SEC31B: variants seen among roughly 807,000 people sequenced by gnomAD.
SEC31B encodes the protein SEC31 homolog B, COPII component, also known as protein transport protein Sec31B.
A neutral mutation model predicts 135.0 loss-of-function variants in SEC31B; 113 were observed. The observed-to-expected ratio is 0.84, with a 90% CI of 0.72 to 0.98. The LOEUF is 0.98. Among genes scored for constraint, SEC31B ranks in the 50% least tolerant of loss-of-function variants. SEC31B has a pLI of 0.00. For missense variants in SEC31B, 1,296 were observed against 1,421.1 expected (o/e 0.91, Z 1.42); for synonymous variants, 508 against 549.4 (o/e 0.92, Z 1.05).
intron 3 of SEC31B, among the ~76,000 whole-genome samples, chr10:100,512,519 C>T (rs559260234): frequency 1.3e-5 from 2 of 152,344 alleles, no homozygotes; most frequent in East Asian, 3.9e-4. Flanking sequence ...TAGCTTGAGG[C>T]TGTCCCTTAT....
Position 100,490,117 on chromosome 10 carries a change from G to A in SEC31B, c.2856C>T (p.Ser952=), listed in dbSNP as rs1186496766. 6.3e-7 allele frequency: 1 copy of A among 1,589,116 alleles called. No individual in the cohort carries two copies. Among genetic ancestry groups the A allele is most frequent in the South Asian group, 1.2e-5 (1 of 85,924 alleles). ...LRPLGPGRMV[S]HTPAPPASFP... is the part of the protein sequence containing the mutation. ...AGCTTGCAGGAGGGGCTGGGGTGTG[G>A]GAGACCATGCGGCCGGGACCTAGTG... is the stretch of plus-strand genomic sequence containing the variant. The change falls in exon 21 of 26, where the codon TCC becomes TCT. Residue 952 remains serine, a synonymous_variant. Coordinates refer to ENST00000370345, the MANE Select transcript of SEC31B (RefSeq NM_015490.4).
chr10:100,490,098 C>CA lies in SEC31B; in HGVS notation c.2874dup (p.Ala959CysfsTer18). 6.3e-7 allele frequency: 1 copy of CA among 1,578,830 alleles called. No individual in the cohort carries two copies. Among genetic ancestry groups the CA allele is most frequent in the Non-Finnish European group, 8.6e-7 (1 of 1,165,262 alleles). ...GGAAGGTATGGCACAGGGAAGCTTG[C>CA]AGGAGGGGCTGGGGTGTGGGAGACC... On this transcript the variant is annotated frameshift_variant, in exon 21 of 26. Coordinates refer to ENST00000370345, the MANE Select transcript of SEC31B (RefSeq NM_015490.4). LOFTEE classifies it high-confidence loss of function.
At chr10:100,506,711 T>C (rs1851639435) in intron 7 of SEC31B, among the ~76,000 whole-genome samples, 1 of 152,162 alleles carries the variant, frequency 6.6e-6, no homozygotes, top group Admixed American at 6.5e-5. Flanking sequence ...TTTCACTGAT[T>C]AGACAGTAGA....
chr10:100,493,046 T>G (rs892429594), intron 19 of SEC31B, among the ~76,000 whole-genome samples: 5 of 152,098 alleles, frequency 3.3e-5, no homozygotes, highest in Non-Finnish European at 7.4e-5. Context: ...TTGGAAACTA[T>G]CCGAATGTCC....
intron 23 of SEC31B, 107 bp downstream of exon 23, chr10:100,489,145 A>G (rs1478315329): frequency 2.1e-6 from 3 of 1,447,824 alleles, no homozygotes; most frequent in Non-Finnish European, 2.8e-6. Context: ...ACCTGCCCCC[A>G]GTCTCCCTCA....
chr10:100,493,338 A>C (rs1344940632), intron 19 of SEC31B, among the ~76,000 whole-genome samples: 1 of 151,086 alleles, frequency 6.6e-6, no homozygotes, highest in African/African-American at 2.4e-5. Flanking sequence ...GCGCCACTGC[A>C]CTCCAGCCTG....
At chr10:100,488,370 A>G (rs912893982) in intron 24 of SEC31B, among the ~76,000 whole-genome samples, 1 of 151,320 alleles carries the variant, frequency 6.6e-6, no homozygotes, top group Non-Finnish European at 1.5e-5. Context: ...GAGGCGGGAG[A>G]ATGGCTTGAA....
chr10:100,495,449 A>C lies in SEC31B; in HGVS notation c.2408T>G (p.Val803Gly). Reference protein sequence around the residue: ...SPPFPFPRIVVGATLHSKETS... With the variant: ...SPPFPFPRIVGGATLHSKETS... ...CTCTTTAGAGTGGAGGGTAGCTCCC[A>C]CAACAATCCGGGGGAAGGGGAAAGG... is the stretch of plus-strand genomic sequence containing the variant. Residue 803 changes from valine to glycine, a missense_variant, in exon 19 of 26, where the codon GTG becomes GGG. Physicochemically the swap from Val to Gly is moderately radical, Grantham distance 109. Transcript: ENST00000370345. The C allele has an allele frequency of 6.2e-7, 1 of 1,613,932 alleles. No homozygotes were observed. Among genetic ancestry groups the C allele is most frequent in the Non-Finnish European group, 8.5e-7 (1 of 1,179,842 alleles).
intron 3 of SEC31B, among the ~76,000 whole-genome samples, chr10:100,515,247 G>A (rs1403193851): frequency 1.3e-5 from 2 of 152,000 alleles, no homozygotes; most frequent in Non-Finnish European, 2.9e-5. Context: ...AGCCGTGATC[G>A]TGCCACTGCA....
intron 23 of SEC31B, 115 bp from the exon 24 acceptor site, chr10:100,489,089 T>C (rs1001426883): frequency 2.7e-6 from 4 of 1,483,848 alleles, no homozygotes; most frequent in Non-Finnish European, 3.6e-6. Context: ...ACAGCAGAGT[T>C]GGGGAGATGA....
chr10:100,498,278 C>A, intron 14 of SEC31B, 71 bp from the exon 15 acceptor site: 3 of 1,418,072 alleles, frequency 2.1e-6, no homozygotes, highest in Non-Finnish European at 3.0e-6. Flanking sequence ...GCAGGGCCCA[C>A]AGCACACCCT....
chr10:100,487,496 C>T lies in SEC31B; in HGVS notation c.*120G>A, dbSNP rs1851202152. ...GGAGCCAAGCCTACAGCATCACATA[C>T]CTGGCAGCAAGGAAAAGAGTCGGGA... On this transcript the variant is annotated 3_prime_UTR_variant, in exon 26 of 26. Transcript: ENST00000370345. 1 of 972,866 alleles carries T rather than the reference C, an allele frequency of 1.0e-6. No individual in the cohort carries two copies. The highest frequency in any genetic ancestry group is 1.5e-6 in the Non-Finnish European group (1 of 658,442). The allele number at this position is 972,866 out of a possible 1,614,324, so 60.3% of individuals were successfully genotyped here.
At chr10:100,516,342 A>G in intron 2 of SEC31B, 123 bp from the exon 3 acceptor site, 1 of 1,192,208 alleles carries the variant, frequency 8.4e-7, no homozygotes, top group Non-Finnish European at 1.2e-6. Flanking sequence ...CTCAAAGGTA[A>G]CTCCACAAAA....
rs1851613283 is a variant in SEC31B, at chr10:100,505,503, GA to G, written c.1045-9del. On this transcript the variant is annotated splice_polypyrimidine_tract_variant and intron_variant, in intron 9 of 25. Coordinates refer to ENST00000370345, the MANE Select transcript of SEC31B (RefSeq NM_015490.4). ...GCTGAAGGAAGAGGAGATCTGGGGG[GA>G]AAAGACACCTGCATCGCCATCCTAA... 5 of 1,516,386 alleles carry G rather than the reference GA, an allele frequency of 3.3e-6. No individual in the cohort carries two copies. In the Admixed American group the frequency reaches 6.8e-5, roughly 21 times the overall value. 93.9% of individuals were successfully genotyped at this position (1,516,386 alleles called of 1,614,324 possible).
At chr10:100,514,041 T>C (rs1417634994) in intron 3 of SEC31B, among the ~76,000 whole-genome samples, 1 of 151,684 alleles carries the variant, frequency 6.6e-6, no homozygotes, top group Non-Finnish European at 1.5e-5. Context: ...AAAAATTAGC[T>C]GGGCATGGTG....
Position 100,494,398 on chromosome 10 carries a change from T to C in SEC31B, c.2472+987A>G, listed in dbSNP as rs539139127. 3.9e-5 allele frequency among the ~76,000 whole-genome samples: 6 copies of C among 152,336 alleles called. No individual in the cohort carries two copies. The South Asian group carries it at 6.2e-4, about 16-fold the overall frequency. ...CTGGCCCTTCCTAACATACAGCTAA[T>C]TATGTCACTCTTCCTAAAACTGTTC... On this transcript the variant is annotated intron_variant, in intron 19 of 25. Coordinates refer to ENST00000370345, the MANE Select transcript of SEC31B (RefSeq NM_015490.4).
At chr10:100,515,586 T>TA (rs1851817969) in intron 3 of SEC31B, among the ~76,000 whole-genome samples, 3 of 152,100 alleles carry the variant, frequency 2.0e-5, no homozygotes, top group African/African-American at 7.2e-5. Flanking sequence ...GAGGAATAAA[T>TA]AAAATGTACA....
chr10:100,487,619 G>A lies in SEC31B; in HGVS notation c.3537C>T (p.Val1179=), dbSNP rs1851204656. 5 of 1,612,028 alleles carry A rather than the reference G, an allele frequency of 3.1e-6. No homozygotes were observed. The highest frequency in any genetic ancestry group is 4.2e-6 in the Non-Finnish European group (5 of 1,179,268). ...CTAGCAAGAGAGGCTGCCTGGTTTA[G>A]ACCAGCAGCTTATGAGCGATGATGA... is the stretch of plus-strand genomic sequence containing the variant. ...AVLIIAHKLL[V] Residue 1179 remains valine (V), a synonymous_variant, in exon 26 of 26, where the codon GTC becomes GTT. Transcript: ENST00000370345.
rs375237846 is a variant in SEC31B, at chr10:100,502,524, A to G, written c.1180-40T>C. On this transcript the variant is annotated intron_variant, in intron 10 of 25. Coordinates refer to ENST00000370345, the MANE Select transcript of SEC31B (RefSeq NM_015490.4). Reference sequence around the variant, plus strand: ...CAAGAAGGGTAAAGGTTATACCTTCAAGTCAAAAAGTAACACTAAGTCAGA... The same window carrying G: ...CAAGAAGGGTAAAGGTTATACCTTCGAGTCAAAAAGTAACACTAAGTCAGA... 3.0e-6 allele frequency: 4 copies of G among 1,350,520 alleles called. No individual in the cohort carries two copies. In the African/African-American group the frequency reaches 5.8e-5, roughly 19 times the overall value. The allele number at this position is 1,350,520 out of a possible 1,614,324, so 83.7% of individuals were successfully genotyped here. A position where few individuals can be genotyped will look rare whatever the true frequency, so the allele number is the denominator to read the frequency against.
Sources: allele counts gnomAD v4.1 joint callset (sites outside exome capture counted in the v4.1 genomes callset), GRCh38; gene constraint gnomAD v4.1.1; transcripts MANE v1.5; gene names NCBI Gene and HGNC (gene_info 2026-07-23, HGNC 2026-07-21).